The following MAML1 variants were observed in gnomAD, a reference collection of about 807,000 sequenced individuals.
MAML1 encodes mastermind like transcriptional coactivator 1.
In MAML1, 14 loss-of-function variants were observed where a neutral mutation model predicts 77.1. The ratio of observed to expected loss-of-function variants is 0.18; its 90% CI spans 0.12 to 0.28. MAML1 has a LOEUF of 0.28. MAML1 is among the 10% of genes least tolerant of loss of function. The probability of loss-of-function intolerance (pLI) is 1.00; values close to 1 mark genes in which losing one functional copy is unlikely to be tolerated. For missense variants in MAML1, 1,217 were observed against 1,327.8 expected (o/e 0.92, Z 1.30); for synonymous variants, 516 against 551.9 (o/e 0.93, Z 0.91).
Position 179,776,403 on chromosome 5 carries a change from C to T in MAML1, c.*1526C>T. The T allele has an allele frequency of 1.0e-6, 1 of 985,848 alleles. No individual in the cohort carries two copies. The highest frequency in any genetic ancestry group is 1.2e-6 in the Non-Finnish European group (1 of 829,934). The allele number at this position is 985,848 out of a possible 1,614,324, so 61.1% of individuals were successfully genotyped here. The stretch of plus-strand genomic sequence containing the variant: ...TACACACATTGGTAGTTATTTTGCA[C>T]CAGCAGTGCCTTTCTCACTGGGGGT... On this transcript the variant is annotated 3_prime_UTR_variant, in exon 5 of 5. Coordinates refer to ENST00000292599, the MANE Select transcript of MAML1 (RefSeq NM_014757.5).
At position 179,766,201 on chromosome 5, in the gene MAML1, C is replaced by T; in HGVS notation, c.1191C>T (p.His397=). 1.2e-6 allele frequency: 2 copies of T among 1,610,740 alleles called. No individual in the cohort carries two copies. Among genetic ancestry groups the T allele is most frequent in the Non-Finnish European group, 1.7e-6 (2 of 1,178,290 alleles). ...GGGCCTCAGAGCTGTCCTCTGCCCA[C>T]CAGCTCCAGCAGATCGCTGCCAAGC... ...PGGASELSSA[H]QLQQIAAKQK... Residue 397 remains histidine, a synonymous_variant, in exon 2 of 5, where the codon CAC becomes CAT. Transcript: ENST00000292599. This position sits in a 1 kb window ranked among gnomAD's most constrained non-coding sequence, Gnocchi z 4.0.
intron 1 of MAML1, among the ~76,000 whole-genome samples, chr5:179,738,034 T>A (rs1779206824): frequency 6.6e-6 from 1 of 152,156 alleles, no homozygotes; most frequent in Non-Finnish European, 1.5e-5. Context: ...CTTACTTAGT[T>A]TTAGGTGTGT....
chr5:179,766,120 C>A lies in MAML1; in HGVS notation c.1110C>A (p.Ala370=). The A allele has an allele frequency of 6.3e-7, 1 of 1,577,610 alleles. No individual in the cohort carries two copies. Among genetic ancestry groups the A allele is most frequent in the Non-Finnish European group, 8.6e-7 (1 of 1,163,004 alleles). Residue 370 remains alanine, a synonymous_variant, in exon 2 of 5, where the codon GCC becomes GCA. Coordinates refer to ENST00000292599, the MANE Select transcript of MAML1 (RefSeq NM_014757.5). The surrounding 1 kb of genome is among the most constrained non-coding windows in gnomAD (Gnocchi z 4.0). ...ACCTGATGCCGGCATCAGCCCAGGC[C>A]CAGAACGCACAAAGAGCCCTTGCAG... ...SPNLMPASAQ[A]QNAQRALAGV...
intron 1 of MAML1, among the ~76,000 whole-genome samples, chr5:179,752,771 T>A (rs1221171864): frequency 6.6e-6 from 1 of 151,616 alleles, no homozygotes. Context: ...GTGGAACTCA[T>A]TTATTTTATT....
At position 179,737,596 on chromosome 5, in the gene MAML1, A is replaced by G. The variant is rs138564676; in HGVS notation, c.315+4169A>G. ...ATATACTGTTTGGCAGTCATTTCATAGTTACTTCACCAGCAACCCATTTGT... is the reference window on the plus strand; with the variant it reads ...ATATACTGTTTGGCAGTCATTTCATGGTTACTTCACCAGCAACCCATTTGT... On this transcript the variant is annotated intron_variant, in intron 1 of 4. Coordinates refer to ENST00000292599, the MANE Select transcript of MAML1 (RefSeq NM_014757.5). Among the ~76,000 whole-genome samples the G allele has an allele frequency of 3.2e-4, 49 of 152,334 alleles. 1 individual carries two copies. Among genetic ancestry groups the G allele is most frequent in the African/African-American group, 1.0e-3 (43 of 41,574 alleles).
At position 179,771,038 on chromosome 5, in the gene MAML1, TTGTG is replaced by T; in HGVS notation, c.1972-108_1972-105del. The T allele has an allele frequency of 2.6e-6, 2 of 765,340 alleles. No homozygotes were observed. The highest frequency in any genetic ancestry group is 4.6e-6 in the Non-Finnish European group (2 of 432,070). The allele number at this position is 765,340 out of a possible 1,614,324, so 47.4% of individuals were successfully genotyped here. A position where few individuals can be genotyped will look rare whatever the true frequency, so the allele number is the denominator to read the frequency against. On this transcript the variant is annotated intron_variant, in intron 3 of 4. Transcript: ENST00000292599. The surrounding 1 kb of genome is among the most constrained non-coding windows in gnomAD (Gnocchi z 4.7). ...CAGCACTATTTCCACAGGAGCCCAT[TTGTG>T]AGTAACAAACTTGGATAAGTTACTT... is the stretch of plus-strand genomic sequence containing the variant.
chr5:179,741,921 C>CA (rs1270495081), intron 1 of MAML1, among the ~76,000 whole-genome samples: 1 of 151,844 alleles, frequency 6.6e-6, no homozygotes, highest in Non-Finnish European at 1.5e-5. Flanking sequence ...TTTTTTGAGA[C>CA]AGAGTCTCCG....
intron 1 of MAML1, among the ~76,000 whole-genome samples, chr5:179,740,233 T>A (rs1468176098): frequency 1.3e-5 from 2 of 152,010 alleles, no homozygotes; most frequent in Non-Finnish European, 2.9e-5. Flanking sequence ...TAGGACCAGA[T>A]CAAGTGCAGT....
intron 4 of MAML1, among the ~76,000 whole-genome samples, chr5:179,773,119 G>A (rs1436382553): frequency 1.3e-5 from 2 of 152,172 alleles, no homozygotes; most frequent in African/African-American, 2.4e-5. Context: ...TCCTGACCTC[G>A]TGATTCGCCC....
At chr5:179,759,177 CT>C (rs1779679737) in intron 1 of MAML1, among the ~76,000 whole-genome samples, 1 of 152,160 alleles carries the variant, frequency 6.6e-6, no homozygotes, top group Non-Finnish European at 1.5e-5. Context: ...ATGCAAGCTT[CT>C]CTTTCGGCAT....
intron 4 of MAML1, among the ~76,000 whole-genome samples, chr5:179,773,522 T>C (rs11249659): frequency 0.74 from 109,939 of 147,850 alleles, 41,231 homozygotes; most frequent in Non-Finnish European, 0.83. Flanking sequence ...CGCGCCCCAT[T>C]GCGCCCCATC....
At chr5:179,763,784 T>C (rs1472380872) in intron 1 of MAML1, among the ~76,000 whole-genome samples, 2 of 151,870 alleles carry the variant, frequency 1.3e-5, no homozygotes, top group Non-Finnish European at 2.9e-5. Context: ...CCGGAGAAGC[T>C]AGCACAGGGG....
intron 1 of MAML1, among the ~76,000 whole-genome samples, chr5:179,733,869 A>G (rs960372457): frequency 6.6e-6 from 1 of 152,208 alleles, no homozygotes; most frequent in Non-Finnish European, 1.5e-5. Context: ...CAGGGCTTTC[A>G]TGTGGAAATA....
intron 1 of MAML1, among the ~76,000 whole-genome samples, chr5:179,747,074 T>C (rs748078156): frequency 3.9e-5 from 6 of 152,210 alleles, no homozygotes; most frequent in Non-Finnish European, 8.8e-5. Context: ...TCATAGGTGC[T>C]ATCATGGTGC....
rs185026652 is a variant in MAML1, at chr5:179,747,719, A to T, written c.315+14292A>T. The stretch of plus-strand genomic sequence containing the variant: ...CAGCTACTTGGGAGGCTGAGGCAGG[A>T]GAATGGCGTGAACCCCGGGAGGCGG... On this transcript the variant is annotated intron_variant, in intron 1 of 4. Coordinates refer to ENST00000292599, the MANE Select transcript of MAML1 (RefSeq NM_014757.5). Among the ~76,000 whole-genome samples, 23 of 139,370 alleles carry T rather than the reference A, an allele frequency of 1.7e-4. No homozygotes were observed. In the East Asian group the frequency reaches 5.3e-3, roughly 32 times the overall value. 91.4% of individuals were successfully genotyped at this position (139,370 alleles called of 152,430 possible). A position where few individuals can be genotyped will look rare whatever the true frequency, so the allele number is the denominator to read the frequency against.
At chr5:179,748,489 C>T (rs1779424694) in intron 1 of MAML1, among the ~76,000 whole-genome samples, 1 of 152,000 alleles carries the variant, frequency 6.6e-6, no homozygotes, top group Non-Finnish European at 1.5e-5. Context: ...AACCACATGC[C>T]CTAAAAATGT....
At position 179,776,430 on chromosome 5, in the gene MAML1, C is replaced by T. The variant is rs1433993736; in HGVS notation, c.*1553C>T. On this transcript the variant is annotated 3_prime_UTR_variant, in exon 5 of 5. Coordinates refer to ENST00000292599, the MANE Select transcript of MAML1 (RefSeq NM_014757.5). ...AGCAGTGCCTTTCTCACTGGGGGTACTTGGACCCTCAGATCTTCTTTTCTA... is the reference window on the plus strand; with the variant it reads ...AGCAGTGCCTTTCTCACTGGGGGTATTTGGACCCTCAGATCTTCTTTTCTA... 4.9e-5 allele frequency: 48 copies of T among 985,760 alleles called. No homozygotes were observed. The highest frequency in any genetic ancestry group is 5.8e-5 in the Non-Finnish European group (48 of 829,948). The allele number at this position is 985,760 out of a possible 1,614,324, so 61.1% of individuals were successfully genotyped here. A position where few individuals can be genotyped will look rare whatever the true frequency, so the allele number is the denominator to read the frequency against.
At position 179,766,202 on chromosome 5, in the gene MAML1, C is replaced by A; in HGVS notation, c.1192C>A (p.Gln398Lys). 1 of 1,610,768 alleles carries A rather than the reference C, an allele frequency of 6.2e-7. No homozygotes were observed. Residue 398 changes from glutamine (Q) to lysine (K), a missense_variant, in exon 2 of 5, where the codon CAG (glutamine) becomes AAG (lysine). By Grantham distance (53) the Gln-to-Lys change is moderately conservative. This residue lies in a region of MAML1 where 884 missense variants were observed against 949.3 expected (regional missense o/e 0.93). Coordinates refer to ENST00000292599, the MANE Select transcript of MAML1 (RefSeq NM_014757.5). This position sits in a 1 kb window ranked among gnomAD's most constrained non-coding sequence, Gnocchi z 4.0. ...GGASELSSAH[Q>K]LQQIAAKQKR... ...GGCCTCAGAGCTGTCCTCTGCCCAC[C>A]AGCTCCAGCAGATCGCTGCCAAGCA...
At chr5:179,758,398 C>CTTTTCT (rs774703416) in intron 1 of MAML1, among the ~76,000 whole-genome samples, 34 of 138,550 alleles carry the variant, frequency 2.5e-4, no homozygotes, top group Non-Finnish European at 3.0e-4. Context: ...TTTTTCTTTT[C>CTTTTCT]TTTTTTTTTT....
Sources: gnomAD v4.1 joint callset for allele counts (sites outside exome capture counted in the v4.1 genomes callset) on GRCh38, gnomAD v4.1.1 for gene constraint, gnomAD v4.1.1 regional missense constraint, Gnocchi (gnomAD v3.1) non-coding constraint, MANE v1.5 for transcripts, NCBI Gene and HGNC (gene_info 2026-07-23, HGNC 2026-07-21) for gene names.